The following GLRA1 variants were observed in gnomAD, a reference collection of about 807,000 sequenced individuals.
The protein encoded by GLRA1 is glycine receptor subunit alpha-1.
GLRA1 carries 37 observed loss-of-function variants against 48.3 expected under a neutral mutation model. The ratio of observed to expected loss-of-function variants is 0.77; its 90% CI spans 0.59 to 1.01. GLRA1 has a LOEUF of 1.01. Among genes scored for constraint, GLRA1 ranks in the 50% least tolerant of loss-of-function variants. The pLI is 0.00. For synonymous variants in GLRA1, 196 were observed against 210.7 expected (o/e 0.93, Z 0.60); for missense variants, 427 against 571.0 (o/e 0.75, Z 2.57).
At chr5:151,844,621 C>CAAAAAAAAAAAAAAAAAAAAAAA (rs202218874) in intron 7 of GLRA1, among the ~76,000 whole-genome samples, 1 of 49,704 alleles carries the variant, frequency 2.0e-5, no homozygotes, top group Non-Finnish European at 3.8e-5. Context: ...TACTCTATCT[C>CAAAAAAAAAAAAAAAAAAAAAAA]AAAAAAAAAA....
chr5:151,853,287 T>G lies in GLRA1; in HGVS notation c.698-1683A>C, dbSNP rs113647874. 5.2e-3 allele frequency among the ~76,000 whole-genome samples: 796 copies of G among 152,170 alleles called. 9 individuals carry two copies. Among genetic ancestry groups the G allele is most frequent in the African/African-American group, 0.018 (749 of 41,498 alleles). On this transcript the variant is annotated intron_variant, in intron 6 of 8. Transcript: ENST00000274576. ...TTTGAGATAGAGTCTTGCTCTGTCA[T>G]CCAGGCTGGAGTGCAGTGGCGTGAT...
chr5:151,824,022 T>C (rs1409881000), intron 8 of GLRA1, among the ~76,000 whole-genome samples: 1 of 151,420 alleles, frequency 6.6e-6, no homozygotes, highest in Admixed American at 6.6e-5. Context: ...ATTGCCCAAC[T>C]AGATAATGCT....
At chr5:151,841,886 A>G (rs925653847) in intron 7 of GLRA1, among the ~76,000 whole-genome samples, 3 of 151,952 alleles carry the variant, frequency 2.0e-5, no homozygotes, top group African/African-American at 4.8e-5. Context: ...GAGAAACCCC[A>G]TCTCTACTAA....
intron 1 of GLRA1, among the ~76,000 whole-genome samples, chr5:151,910,426 G>A (rs1430033891): frequency 6.6e-6 from 1 of 152,104 alleles, no homozygotes; most frequent in Non-Finnish European, 1.5e-5. Flanking sequence ...ACTATAAACA[G>A]TTTTCAGTCC....
chr5:151,824,077 G>A (rs992906249), intron 8 of GLRA1, among the ~76,000 whole-genome samples: 3 of 150,594 alleles, frequency 2.0e-5, no homozygotes, highest in Admixed American at 1.3e-4. Context: ...GTGCAGGACC[G>A]GGCCAACAGA....
intron 7 of GLRA1, among the ~76,000 whole-genome samples, chr5:151,832,527 A>T (rs915232780): frequency 1.3e-5 from 2 of 152,230 alleles, no homozygotes; most frequent in African/African-American, 4.8e-5. Context: ...AGCTGAATCG[A>T]TCAAGCGGAA....
At chr5:151,855,427 A>G (rs1297949514) in intron 5 of GLRA1, among the ~76,000 whole-genome samples, 2 of 152,070 alleles carry the variant, frequency 1.3e-5, no homozygotes, top group African/African-American at 2.4e-5. Flanking sequence ...TCTCACTCCC[A>G]TGGTGAAATG....
At chr5:151,823,311 T>G (rs1259206049) in intron 8 of GLRA1, among the ~76,000 whole-genome samples, 1 of 152,190 alleles carries the variant, frequency 6.6e-6, no homozygotes, top group African/African-American at 2.4e-5. Context: ...TTCTTCTACC[T>G]GGGGGATAAG....
chr5:151,879,832 G>A (rs4259159), intron 3 of GLRA1, among the ~76,000 whole-genome samples: 84,137 of 151,992 alleles, frequency 0.55, 23,756 homozygotes, highest in East Asian at 0.69. Flanking sequence ...GGCCAGGAGC[G>A]GAATGATATG....
intron 3 of GLRA1, among the ~76,000 whole-genome samples, chr5:151,876,902 G>C (rs997649788): frequency 1.4e-4 from 21 of 152,110 alleles, no homozygotes; most frequent in African/African-American, 4.3e-4. Flanking sequence ...TAGGATTTGT[G>C]TCCTAATAAG....
At position 151,850,716 on chromosome 5, in the gene GLRA1, CT is replaced by C. The variant is rs993694661; in HGVS notation, c.912+673del. On this transcript the variant is annotated intron_variant, in intron 7 of 8. Transcript: ENST00000274576. ...TGTTGCCCCTCTGCCACTGCGAACC[CT>C]TTTCGGTGACAGAAGCCCTCATCAA... is the stretch of plus-strand genomic sequence containing the variant. 84 of 1,139,526 alleles carry C rather than the reference CT, an allele frequency of 7.4e-5. No homozygotes were observed. The African/African-American group carries it at 1.2e-3, about 17-fold the overall frequency. The allele number at this position is 1,139,526 out of a possible 1,614,324, so 70.6% of individuals were successfully genotyped here.
intron 2 of GLRA1, among the ~76,000 whole-genome samples, chr5:151,891,105 G>A (rs1486012163): frequency 2.0e-5 from 3 of 152,230 alleles, no homozygotes; most frequent in Non-Finnish European, 4.4e-5. Flanking sequence ...GGAACAGTGA[G>A]GAAGGGCACC....
At chr5:151,919,154 A>G (rs1740770204) in intron 1 of GLRA1, among the ~76,000 whole-genome samples, 1 of 152,222 alleles carries the variant, frequency 6.6e-6, no homozygotes, top group South Asian at 2.1e-4. Context: ...CAATGTGGTG[A>G]CATTGCTTAT....
At chr5:151,916,083 A>G (rs982860749) in intron 1 of GLRA1, among the ~76,000 whole-genome samples, 4 of 152,110 alleles carry the variant, frequency 2.6e-5, no homozygotes, top group Non-Finnish European at 4.4e-5. Flanking sequence ...GTCTATCTCT[A>G]TGTATCAGTA....
At chr5:151,851,701 C>A (rs1259076867) in intron 6 of GLRA1, 97 bp from the exon 7 acceptor site, 17 of 791,752 alleles carry the variant, frequency 2.1e-5, no homozygotes, top group Middle Eastern at 3.1e-4. Context: ...GGTTCAGTCT[C>A]ACACTACCTG....
intron 8 of GLRA1, among the ~76,000 whole-genome samples, chr5:151,823,438 T>G (rs947077153): frequency 3.9e-5 from 6 of 152,230 alleles, no homozygotes; most frequent in African/African-American, 1.4e-4. Flanking sequence ...ACAGATCCCC[T>G]GCTTTGCCTC....
intron 3 of GLRA1, among the ~76,000 whole-genome samples, chr5:151,881,704 A>C (rs1391792908): frequency 2.0e-5 from 3 of 152,042 alleles, no homozygotes; most frequent in Non-Finnish European, 4.4e-5. Flanking sequence ...AGTCCCAGAA[A>C]AGGTCAGTTA....
chr5:151,841,247 TAAAC>T (rs1447605128), intron 7 of GLRA1, among the ~76,000 whole-genome samples: 4 of 151,898 alleles, frequency 2.6e-5, no homozygotes, highest in South Asian at 2.1e-4. Context: ...AACAATAAAT[TAAAC>T]AATGCATCAA....
rs143836612 is a variant in GLRA1, at chr5:151,860,206, T to C, written c.253-198A>G. Among the ~76,000 whole-genome samples the C allele has an allele frequency of 5.9e-5, 9 of 152,234 alleles. No homozygotes were observed. The East Asian group carries it at 1.7e-3, about 29-fold the overall frequency. ...GTCATAATTACTCCTGAAAATCCTC[T>C]AAATGCCCCATGAGGTATATTCAAC... On this transcript the variant is annotated intron_variant, in intron 3 of 8. Coordinates refer to ENST00000274576, the MANE Select transcript of GLRA1 (RefSeq NM_000171.4).
Sources: allele counts gnomAD v4.1 joint callset (sites outside exome capture counted in the v4.1 genomes callset), GRCh38; gene constraint gnomAD v4.1.1; transcripts MANE v1.5; gene names NCBI Gene and HGNC (gene_info 2026-07-23, HGNC 2026-07-21).